Variants in CHST9 observed in about 807,000 individuals in gnomAD.
CHST9 encodes the protein carbohydrate sulfotransferase 9.
In CHST9, 41 loss-of-function variants were observed where a neutral mutation model predicts 44.4. That is an observed-to-expected ratio of 0.92 (90% CI 0.72 to 1.20). The LOEUF is 1.20. Ranked by LOEUF, CHST9 falls within the 50% of genes most tolerant of loss-of-function variation. The pLI, the probability that CHST9 is intolerant of heterozygous loss-of-function variation, is 0.00. For missense variants in CHST9, 504 were observed against 516.5 expected, an observed-to-expected ratio of 0.98 and a Z score of 0.23; for synonymous variants, 171 against 178.4, an observed-to-expected ratio of 0.96 and a Z score of 0.33.
intron 2 of CHST9, among the ~76,000 whole-genome samples, chr18:27,107,217 A>G (rs1358557690): frequency 6.6e-6 from 1 of 152,204 alleles, no homozygotes; most frequent in African/African-American, 2.4e-5. Context: ...TTAGAATTCT[A>G]TGACTATTTT....
At chr18:27,080,923 C>T (rs979642227) in intron 2 of CHST9, among the ~76,000 whole-genome samples, 1 of 134,240 alleles carries the variant, frequency 7.4e-6, no homozygotes, top group Non-Finnish European at 1.6e-5. Context: ...CAACAGCTCA[C>T]TGACATGACC....
At chr18:27,177,843 T>A (rs1046516365) in intron 1 of CHST9, among the ~76,000 whole-genome samples, 3 of 151,922 alleles carry the variant, frequency 2.0e-5, no homozygotes, top group Non-Finnish European at 4.4e-5. Flanking sequence ...CCACAATCTT[T>A]CCCTCTATTC....
At chr18:26,941,928 G>A (rs912933178) in intron 5 of CHST9, among the ~76,000 whole-genome samples, 2 of 152,156 alleles carry the variant, frequency 1.3e-5, no homozygotes, top group Non-Finnish European at 2.9e-5. Flanking sequence ...GATTTCTCAC[G>A]TTGGTGAGAA....
chr18:27,046,677 A>G (rs1409239924), intron 3 of CHST9, among the ~76,000 whole-genome samples: 1 of 152,094 alleles, frequency 6.6e-6, no homozygotes, highest in South Asian at 2.1e-4. Flanking sequence ...TTATGACTAT[A>G]GTGGCAAACA....
chr18:27,112,578 C>CGTGTGTGTGTGTGT (rs35249332), intron 2 of CHST9, among the ~76,000 whole-genome samples: 3 of 140,466 alleles, frequency 2.1e-5, no homozygotes, highest in African/African-American at 5.4e-5. Context: ...GGATATTCAA[C>CGTGTGTGTGTGTGT]GTGTGTGTGT....
chr18:26,977,012 C>A (rs2056631474), intron 4 of CHST9, among the ~76,000 whole-genome samples: 2 of 150,824 alleles, frequency 1.3e-5, no homozygotes, highest in Admixed American at 1.4e-4. Context: ...GGGATCTGAG[C>A]AGTCTCATGT....
chr18:27,036,627 C>G (rs2057392989), intron 3 of CHST9, among the ~76,000 whole-genome samples: 1 of 152,144 alleles, frequency 6.6e-6, no homozygotes, highest in South Asian at 2.1e-4. Flanking sequence ...TTCCTACCTG[C>G]CTAAGACCAG....
rs185613033 is a variant in CHST9 at position 26,956,366 on chromosome 18, A to G, written c.203-12000T>C. Among the ~76,000 whole-genome samples the G allele has an allele frequency of 4.4e-3, 651 of 146,978 alleles. 13 individuals carry two copies. The highest frequency in any genetic ancestry group is 3.1e-3 in the South Asian group (15 of 4,762). Reference sequence around the variant, plus strand: ...ATATACACACACAATTATATCATATATACAAATATACATATATCATATATA... The same window carrying G: ...ATATACACACACAATTATATCATATGTACAAATATACATATATCATATATA... On this transcript the variant is annotated intron_variant, in intron 4 of 5. Coordinates refer to ENST00000618847, the MANE Select transcript of CHST9 (RefSeq NM_031422.6).
intron 2 of CHST9, among the ~76,000 whole-genome samples, chr18:27,061,225 G>A (rs1251575687): frequency 1.3e-5 from 2 of 152,058 alleles, no homozygotes; most frequent in African/African-American, 4.8e-5. Flanking sequence ...ATGCACCACG[G>A]GACCACCCTG....
At chr18:27,043,171 TG>T (rs1266598999) in intron 3 of CHST9, among the ~76,000 whole-genome samples, 4 of 152,024 alleles carry the variant, frequency 2.6e-5, no homozygotes, top group Non-Finnish European at 5.9e-5. Flanking sequence ...TCTTTGTTAA[TG>T]TTGGGGATGT....
In CHST9 at chr18:26,912,483, T is replaced by C. The variant is rs2145035342; in HGVS notation, c.*3776A>G. ...TGTTTTTGCCTCTACCTATCCTGAA[T>C]AGAGGTAACGGAAAGCAAAAGTAAA... On this transcript the variant is annotated 3_prime_UTR_variant, in exon 6 of 6. Coordinates refer to ENST00000618847, the MANE Select transcript of CHST9 (RefSeq NM_031422.6). 1 of 152,054 alleles carries C rather than the reference T, an allele frequency of 6.6e-6. No homozygotes were observed. The highest frequency in any genetic ancestry group is 2.1e-4 in the South Asian group (1 of 4,800). 9.4% of individuals were successfully genotyped at this position (152,054 alleles called of 1,614,324 possible). A position where few individuals can be genotyped will look rare whatever the true frequency, so the allele number is the denominator to read the frequency against.
At chr18:27,125,992 T>C (rs28666617) in intron 2 of CHST9, among the ~76,000 whole-genome samples, 1,607 of 152,310 alleles carry the variant, frequency 0.011, 23 homozygotes, top group African/African-American at 0.034. Flanking sequence ...TAGTAAATTG[T>C]ATTTATTACA....
intron 4 of CHST9, among the ~76,000 whole-genome samples, chr18:26,975,733 A>ATGTGTGTGTGTG (rs1568117380): frequency 6.8e-5 from 2 of 29,412 alleles, no homozygotes; most frequent in African/African-American, 3.1e-4. Flanking sequence ...GTGTATATAT[A>ATGTGTGTGTGTG]TATATATATA....
intron 1 of CHST9, among the ~76,000 whole-genome samples, chr18:27,154,582 C>T (rs1196391795): frequency 6.6e-6 from 1 of 152,004 alleles, no homozygotes; most frequent in Non-Finnish European, 1.5e-5. Flanking sequence ...AACAGATTAG[C>T]CATTGGCCAG....
At chr18:27,013,624 T>A (rs1048630515) in intron 4 of CHST9, among the ~76,000 whole-genome samples, 2 of 152,240 alleles carry the variant, frequency 1.3e-5, no homozygotes, top group African/African-American at 4.8e-5. Context: ...CTCAAGGTAC[T>A]GTGCAATTAA....
At chr18:26,958,608 T>C (rs571812998) in intron 4 of CHST9, among the ~76,000 whole-genome samples, 15 of 152,312 alleles carry the variant, frequency 9.8e-5, no homozygotes, top group South Asian at 8.3e-4. Flanking sequence ...ATCCAGAATC[T>C]ATAAGGAACT....
chr18:27,181,613 G>T (rs916072892), intron 1 of CHST9, among the ~76,000 whole-genome samples: 1 of 152,158 alleles, frequency 6.6e-6, no homozygotes, highest in Non-Finnish European at 1.5e-5. Context: ...AAAATGCAGT[G>T]TATTAATAGT....
At chr18:27,125,189 T>C (rs1326655723) in intron 2 of CHST9, among the ~76,000 whole-genome samples, 1 of 152,218 alleles carries the variant, frequency 6.6e-6, no homozygotes, top group East Asian at 1.9e-4. Context: ...TTTTTAAGTA[T>C]ATTTCATATG....
intron 5 of CHST9, among the ~76,000 whole-genome samples, chr18:26,920,516 C>T (rs2055629726): frequency 1.3e-5 from 2 of 152,144 alleles, no homozygotes; most frequent in African/African-American, 2.4e-5. Flanking sequence ...CCCCACTCTA[C>T]CTCCATTGCA....
Sources: gnomAD v4.1 joint callset for allele counts (sites outside exome capture counted in the v4.1 genomes callset) on GRCh38, gnomAD v4.1.1 for gene constraint, MANE v1.5 for transcripts, NCBI Gene and HGNC (gene_info 2026-07-23, HGNC 2026-07-21) for gene names.